R3HDM1: variants seen among roughly 807,000 people sequenced by gnomAD.
R3HDM1 encodes R3H domain containing 1.
Under a neutral mutation model 141.1 loss-of-function variants are expected in R3HDM1, and 46 were observed. The observed-to-expected ratio is 0.33, with a 90% CI of 0.26 to 0.42. The LOEUF is 0.42. R3HDM1 is among the 10% of genes least tolerant of loss of function. The probability of loss-of-function intolerance (pLI) is 1.00; values close to 1 mark genes in which losing one functional copy is unlikely to be tolerated. For missense variants in R3HDM1, 1,184 were observed against 1,368.3 expected (o/e 0.87, Z 2.12); for synonymous variants, 435 against 472.9 (o/e 0.92, Z 1.04).
chr2:135,533,608 C>T (rs1281390376), intron 1 of R3HDM1, among the ~76,000 whole-genome samples: 1 of 152,186 alleles, frequency 6.6e-6, no homozygotes, highest in Admixed American at 6.5e-5. Context: ...TGGCCGGGCG[C>T]GTTGGCGCAC....
chr2:135,663,844 T>C (rs1463729629), intron 19 of R3HDM1, among the ~76,000 whole-genome samples: 2 of 152,022 alleles, frequency 1.3e-5, no homozygotes, highest in African/African-American at 4.8e-5. Context: ...CTGGCCAACA[T>C]TGTGAAACCC....
At chr2:135,559,126 G>T in intron 1 of R3HDM1, 2 of 882,022 alleles carry the variant, frequency 2.3e-6, no homozygotes, top group African/African-American at 1.8e-5. Context: ...TGTTGTTGTT[G>T]TCGGAGACAG....
At chr2:135,573,253 C>T (rs1704563082) in intron 1 of R3HDM1, among the ~76,000 whole-genome samples, 2 of 152,090 alleles carry the variant, frequency 1.3e-5, no homozygotes, top group African/African-American at 4.8e-5. Context: ...CCCAATTTTC[C>T]TTCAAATAAA....
chr2:135,551,525 T>A (rs985893706), intron 1 of R3HDM1, among the ~76,000 whole-genome samples: 1 of 152,218 alleles, frequency 6.6e-6, no homozygotes, highest in African/African-American at 2.4e-5. Context: ...AAAATATACT[T>A]ATTCTTTGAC....
intron 19 of R3HDM1, among the ~76,000 whole-genome samples, chr2:135,662,802 T>A (rs1404999481): frequency 1.3e-5 from 2 of 152,174 alleles, no homozygotes; most frequent in African/African-American, 4.8e-5. Context: ...TTTTCTGAAT[T>A]TTTCTGGACC....
At chr2:135,685,256 T>C (rs1325144351) in intron 21 of R3HDM1, among the ~76,000 whole-genome samples, 2 of 152,090 alleles carry the variant, frequency 1.3e-5, no homozygotes, top group East Asian at 3.9e-4. Context: ...CACACACACA[T>C]GCTAGTTAAC....
At chr2:135,616,525 T>C (rs2061034130) in intron 4 of R3HDM1, 143 bp from the exon 5 acceptor site, 2 of 682,798 alleles carry the variant, frequency 2.9e-6, no homozygotes. Flanking sequence ...CAGTAGTGTT[T>C]AATGATATAT....
chr2:135,604,024 T>C (rs2059843337), intron 2 of R3HDM1, among the ~76,000 whole-genome samples: 1 of 152,232 alleles, frequency 6.6e-6, no homozygotes, highest in Admixed American at 6.5e-5. Context: ...ACTAATGACA[T>C]GAAAATATAT....
In R3HDM1 at chr2:135,703,618, A is replaced by C. The variant is rs542444436; in HGVS notation, c.2460-5815A>C. ...TTTTTAATACTTCATTTTTTAGTCA[A>C]ATTCAGTTTTTTTTTAATGGCTCAC... On this transcript the variant is annotated intron_variant, in intron 21 of 26. Transcript: ENST00000683871. 2.6e-5 allele frequency among the ~76,000 whole-genome samples: 4 copies of C among 152,124 alleles called. No homozygotes were observed. The East Asian group carries it at 5.8e-4, about 22-fold the overall frequency.
intron 19 of R3HDM1, among the ~76,000 whole-genome samples, chr2:135,673,246 C>T (rs1217757027): frequency 1.3e-5 from 2 of 152,060 alleles, no homozygotes; most frequent in Non-Finnish European, 2.9e-5. Context: ...ATGAGGAGCT[C>T]GAGGGTACAG....
intron 21 of R3HDM1, among the ~76,000 whole-genome samples, chr2:135,691,908 T>C (rs891612966): frequency 2.6e-5 from 4 of 152,062 alleles, no homozygotes; most frequent in African/African-American, 9.7e-5. Context: ...AGAGTTTTTG[T>C]TTGTTTCTTT....
At chr2:135,587,935 T>G (rs1398038180) in intron 1 of R3HDM1, among the ~76,000 whole-genome samples, 1 of 152,018 alleles carries the variant, frequency 6.6e-6, no homozygotes, top group African/African-American at 2.4e-5. Flanking sequence ...CCTCTCCCTC[T>G]ACATTTGTCT....
intron 1 of R3HDM1, among the ~76,000 whole-genome samples, chr2:135,571,717 CT>C (rs1704156506): frequency 6.6e-6 from 1 of 152,184 alleles, no homozygotes; most frequent in South Asian, 2.1e-4. Flanking sequence ...GCCTCTACCC[CT>C]GGGGCTCTAG....
At chr2:135,680,124 AGGCCTTG>A in intron 20 of R3HDM1, 42 bp from the exon 21 acceptor site, 1 of 1,544,142 alleles carries the variant, frequency 6.5e-7, no homozygotes, top group Non-Finnish European at 8.9e-7. Flanking sequence ...AACATTTACA[AGGCCTTG>A]AAAAAAACCT....
At chr2:135,698,629 CT>C (rs1188595922) in intron 21 of R3HDM1, among the ~76,000 whole-genome samples, 1 of 152,136 alleles carries the variant, frequency 6.6e-6, no homozygotes. Context: ...ACTGAGTAAT[CT>C]ATAAAGAAAA....
intron 15 of R3HDM1, among the ~76,000 whole-genome samples, chr2:135,644,547 A>G (rs4954276): frequency 0.5 from 75,608 of 152,058 alleles, 23,764 homozygotes; most frequent in East Asian, 0.88. Flanking sequence ...GGACAGTACC[A>G]TCAAGTTTAC....
chr2:135,626,996 C>T (rs1264621723), intron 7 of R3HDM1, among the ~76,000 whole-genome samples: 1 of 151,724 alleles, frequency 6.6e-6, no homozygotes, highest in Non-Finnish European at 1.5e-5. Context: ...TTTTTTTATT[C>T]CTTCTGTGTA....
intron 23 of R3HDM1, among the ~76,000 whole-genome samples, chr2:135,715,220 G>T (rs1439420475): frequency 1.3e-5 from 2 of 152,244 alleles, no homozygotes; most frequent in East Asian, 3.9e-4. Context: ...ATGGTGGCGG[G>T]TGCCTGTAGT....
At chr2:135,676,568 T>C (rs1269888083) in intron 20 of R3HDM1, among the ~76,000 whole-genome samples, 1 of 152,182 alleles carries the variant, frequency 6.6e-6, no homozygotes, top group Non-Finnish European at 1.5e-5. Flanking sequence ...CCTAACACTT[T>C]GAGAGGCCAA....
Sources: allele counts gnomAD v4.1 joint callset (sites outside exome capture counted in the v4.1 genomes callset), GRCh38; gene constraint gnomAD v4.1.1; transcripts MANE v1.5; gene names NCBI Gene and HGNC (gene_info 2026-07-23, HGNC 2026-07-21).